Variants in NOM1 observed in about 807,000 individuals in gnomAD.
The protein encoded by NOM1 is nucleolar MIF4G domain-containing protein 1.
In NOM1, 58 loss-of-function variants were observed where a neutral mutation model predicts 73.3. The observed-to-expected ratio is 0.79, with a 90% CI of 0.64 to 0.99. The LOEUF (loss-of-function observed/expected upper bound fraction) is 0.99. Ranked by LOEUF, NOM1 falls within the 50% of genes least tolerant of loss-of-function variation. NOM1 has a pLI of 0.00. For synonymous variants in NOM1, 487 were observed against 446.8 expected (o/e 1.09, Z -1.14); for missense variants, 1,226 against 1,131.9 (o/e 1.08, Z -1.19).
intron 6 of NOM1, chr7:156,963,657 C>A: frequency 2.4e-6 from 1 of 410,962 alleles, no homozygotes; most frequent in Non-Finnish European, 4.4e-6. Flanking sequence ...TTTTATTCAT[C>A]GTCGCTTGCC....
intron 5 of NOM1, 78 bp from the exon 6 acceptor site, chr7:156,962,930 A>G: frequency 1.4e-6 from 2 of 1,481,110 alleles, no homozygotes; most frequent in Non-Finnish European, 1.8e-6. Context: ...CATGGTCAAA[A>G]ACAAAAAGCC....
intron 1 of NOM1, among the ~76,000 whole-genome samples, chr7:156,950,933 A>G (rs1804577170): frequency 2.0e-5 from 3 of 152,184 alleles, no homozygotes; most frequent in Non-Finnish European, 2.9e-5. Context: ...CAATATAGAG[A>G]CATTTTTATC....
chr7:156,961,466 G>A (rs1020438466), intron 4 of NOM1, among the ~76,000 whole-genome samples: 1 of 152,264 alleles, frequency 6.6e-6, no homozygotes, highest in East Asian at 1.9e-4. Flanking sequence ...ACATTAGTGG[G>A]CTGGGGAGCT....
At position 156,950,731 on chromosome 7, in the gene NOM1, T is replaced by C; in HGVS notation, c.987+7T>C. On this transcript the variant is annotated splice_region_variant and intron_variant, in intron 1 of 10. Coordinates refer to ENST00000275820, the MANE Select transcript of NOM1 (RefSeq NM_138400.2). ...CGGTGACATAACGGATAAGGTATCG[T>C]GTGAACACTCTCTAGGCCCTCTGGG... is the stretch of plus-strand genomic sequence containing the variant. The C allele has an allele frequency of 6.5e-7, 1 of 1,549,132 alleles. No individual in the cohort carries two copies. Among genetic ancestry groups the C allele is most frequent in the South Asian group, 1.2e-5 (1 of 83,918 alleles).
chr7:156,954,722 G>A (rs1048648061), intron 3 of NOM1, among the ~76,000 whole-genome samples: 29 of 152,028 alleles, frequency 1.9e-4, no homozygotes, highest in African/African-American at 7.0e-4. Flanking sequence ...GCCCAGGCTG[G>A]TGTCAAATTC....
Position 156,949,763 on chromosome 7 carries a change from A to G in NOM1, c.26A>G (p.Glu9Gly). MAASRSAGEAGPGGSQGRV... is the reference protein window; with the variant it reads MAASRSAGGAGPGGSQGRV... ...ATGGCGGCGTCCAGGAGCGCGGGAGAGGCCGGCCCGGGCGGCTCCCAGGGA... is the reference window on the plus strand; with the variant it reads ...ATGGCGGCGTCCAGGAGCGCGGGAGGGGCCGGCCCGGGCGGCTCCCAGGGA... The change falls in exon 1 of 11, where the codon GAG becomes GGG. Residue 9 changes from glutamate to glycine, a missense_variant. By Grantham distance (98) the Glu-to-Gly change is moderately conservative (BLOSUM62 -2). Coordinates refer to ENST00000275820, the MANE Select transcript of NOM1 (RefSeq NM_138400.2). 2.9e-6 allele frequency: 4 copies of G among 1,394,872 alleles called. No individual in the cohort carries two copies. Among genetic ancestry groups the G allele is most frequent in the Non-Finnish European group, 3.7e-6 (4 of 1,079,832 alleles). The allele number at this position is 1,394,872 out of a possible 1,614,324, so 86.4% of individuals were successfully genotyped here.
At chr7:156,965,376 G>A (rs1418801244) in intron 7 of NOM1, among the ~76,000 whole-genome samples, 1 of 152,256 alleles carries the variant, frequency 6.6e-6, no homozygotes, top group Non-Finnish European at 1.5e-5. Flanking sequence ...ACTCTCGAGT[G>A]TATTCTGCCG....
In NOM1 at chr7:156,962,943, C is replaced by T. The variant is rs548419711; in HGVS notation, c.1744-65C>T. The stretch of plus-strand genomic sequence containing the variant: ...GTCATGGTCAAAAACAAAAAGCCAC[C>T]GGTGATGGAAGGACGGAATATGAAC... On this transcript the variant is annotated intron_variant, in intron 5 of 10. Transcript: ENST00000275820. The T allele has an allele frequency of 1.2e-5, 19 of 1,521,306 alleles. No individual in the cohort carries two copies. The East Asian group carries it at 1.6e-4, about 13-fold the overall frequency. 94.2% of individuals were successfully genotyped at this position (1,521,306 alleles called of 1,614,324 possible).
In NOM1 at chr7:156,960,124, GCCC is replaced by G. The variant is rs771956686; in HGVS notation, c.1583_1585del (p.Ala528_Gln529delinsGlu). On this transcript the variant is annotated inframe_deletion, in exon 4 of 11. Transcript: ENST00000275820. ...ATCACTTAAGGAATTGATCACTGAA[GCCC>G]AGACCAAAGCCAGCGGGGCAGGCAG... is the stretch of plus-strand genomic sequence containing the variant. The G allele has an allele frequency of 6.2e-6, 10 of 1,613,950 alleles. No homozygotes were observed. Among genetic ancestry groups the G allele is most frequent in the Non-Finnish European group, 8.5e-6 (10 of 1,179,990 alleles).
Position 156,966,442 on chromosome 7 carries a change from A to AT in NOM1, c.2166+46dup, listed in dbSNP as rs377058671. The AT allele has an allele frequency of 1.5e-3, 2,396 of 1,610,776 alleles. 33 individuals carry two copies. The African/African-American group carries it at 0.028, about 19-fold the overall frequency. ...AGGCACCAGTTACGTCCGCTCTACT[A>AT]TTTTTTCTACACAGGCTACCTGGCT... On this transcript the variant is annotated intron_variant, in intron 8 of 10. Transcript: ENST00000275820.
intron 3 of NOM1, among the ~76,000 whole-genome samples, chr7:156,959,259 C>G (rs534047619): frequency 6.7e-6 from 1 of 149,142 alleles, no homozygotes; most frequent in South Asian, 2.2e-4. Flanking sequence ...TATGCCACCA[C>G]GCCCGGCTAA....
rs144364133 is a variant in NOM1, at chr7:156,949,921, C to T, written c.184C>T (p.Pro62Ser). ...GCACGCGACTTCGGAAGGCGAGGCT[C>T]CCGGGGGTTGCGAGGGGCGCGGCGC... ...FVHATSEGEA[P>S]GGCEGRGAPV... Residue 62 changes from proline (P) to serine (S), a missense_variant, in exon 1 of 11, where the codon CCC (proline) becomes TCC (serine). Physicochemically the swap from Pro to Ser is moderately conservative, Grantham distance 74. Coordinates refer to ENST00000275820, the MANE Select transcript of NOM1 (RefSeq NM_138400.2). The T allele has an allele frequency of 3.4e-3, 5,245 of 1,542,360 alleles. 98 individuals carry two copies. In the African/African-American group the frequency reaches 0.038, roughly 11 times the overall value.
At chr7:156,966,830 C>A in intron 8 of NOM1, 131 bp from the exon 9 acceptor site, 1 of 972,508 alleles carries the variant, frequency 1.0e-6, no homozygotes, top group Non-Finnish European at 1.5e-6. Flanking sequence ...GTGAGGCCAC[C>A]ACTAAAAGTC....
At position 156,954,450 on chromosome 7, in the gene NOM1, A is replaced by C. The variant is rs929897692; in HGVS notation, c.1308+152A>C. 5 of 542,440 alleles carry C rather than the reference A, an allele frequency of 9.2e-6. No individual in the cohort carries two copies. In the African/African-American group the frequency reaches 1.0e-4, roughly 11 times the overall value. The allele number at this position is 542,440 out of a possible 1,614,324, so 33.6% of individuals were successfully genotyped here. On this transcript the variant is annotated intron_variant, in intron 3 of 10. Transcript: ENST00000275820. Reference sequence around the variant, plus strand: ...AAATACTCTATTGTCTATGTCATGTAGTTGTAAAGAGCATTCAGGAAGTAC... The same window carrying C: ...AAATACTCTATTGTCTATGTCATGTCGTTGTAAAGAGCATTCAGGAAGTAC...
chr7:156,962,898 A>T, intron 5 of NOM1, 110 bp from the exon 6 acceptor site: 1 of 1,190,330 alleles, frequency 8.4e-7, no homozygotes, highest in Non-Finnish European at 1.2e-6. Flanking sequence ...GACCCATTCC[A>T]GTATTCATGC....
At position 156,970,394 on chromosome 7, in the gene NOM1, A is replaced by G. The variant is rs187314588; in HGVS notation, c.*691A>G. 3 of 152,308 alleles carry G rather than the reference A, an allele frequency of 2.0e-5. No individual in the cohort carries two copies. The East Asian group carries it at 5.8e-4, about 29-fold the overall frequency. 9.4% of individuals were successfully genotyped at this position (152,308 alleles called of 1,614,324 possible). On this transcript the variant is annotated 3_prime_UTR_variant, in exon 11 of 11. Coordinates refer to ENST00000275820, the MANE Select transcript of NOM1 (RefSeq NM_138400.2). ...TTTTAAAATATTGGTTAGAAGTTCA[A>G]AAACCATCCCTTAAAGGTGATTGTT...
chr7:156,950,038 A>G lies in NOM1; in HGVS notation c.301A>G (p.Thr101Ala). Residue 101 changes from threonine (T) to alanine (A), a missense_variant, in exon 1 of 11, where the codon ACG becomes GCG. By Grantham distance (58) the Thr-to-Ala change is moderately conservative. Coordinates refer to ENST00000275820, the MANE Select transcript of NOM1 (RefSeq NM_138400.2). ...HLRKARRLQR[T>A]AGPEQGPGLG... ...GCGGAAAGCACGCCGGCTGCAGAGG[A>G]CGGCGGGCCCCGAACAGGGTCCCGG... 2 of 1,542,492 alleles carry G rather than the reference A, an allele frequency of 1.3e-6. No individual in the cohort carries two copies. Among genetic ancestry groups the G allele is most frequent in the Non-Finnish European group, 1.7e-6 (2 of 1,146,846 alleles).
At chr7:156,969,252 C>A in intron 10 of NOM1, 56 bp downstream of exon 10, 1 of 1,005,168 alleles carries the variant, frequency 9.9e-7, no homozygotes, top group Non-Finnish European at 1.6e-6. Context: ...AGATTGTTTT[C>A]ACTTGTGTTG....
chr7:156,966,827 C>A (rs1348208676), intron 8 of NOM1, 134 bp from the exon 9 acceptor site: 1 of 946,740 alleles, frequency 1.1e-6, no homozygotes, highest in African/African-American at 1.7e-5. Context: ...ACAGTGAGGC[C>A]ACCACTAAAA....
Sources: allele counts gnomAD v4.1 joint callset (sites outside exome capture counted in the v4.1 genomes callset), GRCh38; gene constraint gnomAD v4.1.1; transcripts MANE v1.5; gene names NCBI Gene and HGNC (gene_info 2026-07-23, HGNC 2026-07-21).